CYP2U1: variants seen among roughly 807,000 people sequenced by gnomAD.
CYP2U1 encodes cytochrome P450 2U1.
In CYP2U1, 28 loss-of-function variants were observed where a neutral mutation model predicts 42.8. That is an observed-to-expected ratio of 0.65 (90% CI 0.48 to 0.90). The LOEUF (loss-of-function observed/expected upper bound fraction) is 0.90, where lower values mean the gene tolerates loss of function less well. Ranked by LOEUF, CYP2U1 falls within the 40% of genes least tolerant of loss-of-function variation. The pLI, the probability that CYP2U1 is intolerant of heterozygous loss-of-function variation, is 0.00. For missense variants in CYP2U1, 642 were observed against 693.8 expected, an observed-to-expected ratio of 0.93 and a Z score of 0.84; for synonymous variants, 296 against 278.9, an observed-to-expected ratio of 1.06 and a Z score of -0.61.
In CYP2U1 at chr4:107,932,039, C is replaced by T. The variant is rs368014569; in HGVS notation, c.396C>T (p.Asp132=). The stretch of plus-strand genomic sequence containing the variant: ...ACTACCTGGTGGTGGTCCTCAGCGA[C>T]TTCCACAGCGTGCGCGAGGCGCTGG... ...IGHYLVVVLS[D]FHSVREALVQ... The change falls in exon 1 of 5, where the codon GAC becomes GAT. Residue 132 remains aspartate, a synonymous_variant. Transcript: ENST00000332884. 395 of 1,574,170 alleles carry T rather than the reference C, an allele frequency of 2.5e-4. No individual in the cohort carries two copies. Among genetic ancestry groups the T allele is most frequent in the Admixed American group, 4.1e-4 (22 of 54,264 alleles).
rs768390894 is a variant in CYP2U1, at chr4:107,932,090, C to T, written c.447C>T (p.Asp149=). 8 of 1,597,894 alleles carry T rather than the reference C, an allele frequency of 5.0e-6. No homozygotes were observed. The highest frequency in any genetic ancestry group is 6.8e-6 in the Non-Finnish European group (8 of 1,173,296). The change falls in exon 1 of 5, where the codon GAC becomes GAT. Residue 149 remains aspartate, a synonymous_variant. Coordinates refer to ENST00000332884, the MANE Select transcript of CYP2U1 (RefSeq NM_183075.3). ...TGCAGCAGGCCGAGGTCTTCAGCGA[C>T]CGCCCGCGGGTGCCGCTCATCTCCA... ...ALVQQAEVFS[D]RPRVPLISIV... is the part of the protein sequence containing the mutation.
At chr4:107,934,428 T>C (rs1733175552) in intron 1 of CYP2U1, among the ~76,000 whole-genome samples, 1 of 152,158 alleles carries the variant, frequency 6.6e-6, no homozygotes, top group Non-Finnish European at 1.5e-5. Flanking sequence ...GCTACCATCA[T>C]TTATTTATTT....
chr4:107,950,105 G>T, intron 4 of CYP2U1, 140 bp from the exon 5 acceptor site: 1 of 745,010 alleles, frequency 1.3e-6, no homozygotes. Flanking sequence ...GAGGCTATGT[G>T]GTATATATGG....
intron 3 of CYP2U1, among the ~76,000 whole-genome samples, 173 bp from the exon 4 acceptor site, chr4:107,949,177 G>T (rs1733820146): frequency 6.6e-6 from 1 of 152,146 alleles, no homozygotes; most frequent in South Asian, 2.1e-4. Context: ...GGTGCGGGGA[G>T]AGGGATGCCA....
intron 1 of CYP2U1, chr4:107,935,657 A>C (rs1157948687): frequency 6.6e-6 from 1 of 152,218 alleles, no homozygotes; most frequent in Non-Finnish European, 1.5e-5. Flanking sequence ...TGATCATCAA[A>C]GGATGAAGGA....
chr4:107,950,254 T>G lies in CYP2U1; in HGVS notation c.1466T>G (p.Val489Gly). The part of the protein sequence containing the change: ...TFIPFGIGKR[V>G]CMGEQLAKME... ...CTGATCTCATTTTTAGGGAAGCGGGTGTGTATGGGAGAACAACTGGCAAAG... is the reference window on the plus strand; with the variant it reads ...CTGATCTCATTTTTAGGGAAGCGGGGGTGTATGGGAGAACAACTGGCAAAG... The change falls in exon 5 of 5, where the codon GTG becomes GGG. Residue 489 changes from valine (V) to glycine (G), a missense_variant. Coordinates refer to ENST00000332884, the MANE Select transcript of CYP2U1 (RefSeq NM_183075.3). 3 of 1,604,238 alleles carry G rather than the reference T, an allele frequency of 1.9e-6. No homozygotes were observed. Among genetic ancestry groups the G allele is most frequent in the Non-Finnish European group, 2.6e-6 (3 of 1,175,924 alleles).
At chr4:107,936,161 C>T (rs1240747345) in intron 1 of CYP2U1, 1 of 152,164 alleles carries the variant, frequency 6.6e-6, no homozygotes, top group Non-Finnish European at 1.5e-5. Context: ...CTGTGTCCAT[C>T]ATTCTGATTG....
At chr4:107,935,679 G>A (rs1215262506) in intron 1 of CYP2U1, 1 of 152,190 alleles carries the variant, frequency 6.6e-6, no homozygotes, top group African/African-American at 2.4e-5. Context: ...CAGATGAGGT[G>A]TGAGTGGACT....
In CYP2U1 at chr4:107,945,461, G is replaced by A; in HGVS notation, c.982G>A (p.Glu328Lys). 2 of 1,614,080 alleles carry A rather than the reference G, an allele frequency of 1.2e-6. No homozygotes were observed. Among genetic ancestry groups the A allele is most frequent in the South Asian group, 2.2e-5 (2 of 91,074 alleles). Residue 328 changes from glutamate to lysine, a missense_variant, in exon 2 of 5, where the codon GAG (glutamate) becomes AAG (lysine). By Grantham distance (56) the Glu-to-Lys change is moderately conservative (BLOSUM62 1). Coordinates refer to ENST00000332884, the MANE Select transcript of CYP2U1 (RefSeq NM_183075.3). ...CATGTACCTTCTCCACATGGAAGAG[G>A]AGAGGAAAAATAATAGTAACAGCAG... is the stretch of plus-strand genomic sequence containing the variant. Reference protein sequence around the residue: ...IDMYLLHMEEERKNNSNSSFD... With the variant: ...IDMYLLHMEEKRKNNSNSSFD...
Position 107,931,865 on chromosome 4 carries a change from C to T in CYP2U1, c.222C>T (p.His74=). 6.5e-7 allele frequency: 1 copy of T among 1,546,890 alleles called. No homozygotes were observed. The highest frequency in any genetic ancestry group is 8.7e-7 in the Non-Finnish European group (1 of 1,144,922). Residue 74 remains histidine, a synonymous_variant, in exon 1 of 5, where the codon CAC becomes CAT. Coordinates refer to ENST00000332884, the MANE Select transcript of CYP2U1 (RefSeq NM_183075.3). The part of the protein sequence containing the change: ...TPWPLVGNFG[H]VLLPPFLRRR... Reference sequence around the variant, plus strand: ...GGCCTCTGGTGGGCAACTTCGGTCACGTGCTGCTGCCTCCCTTCCTCCGGC... The same window carrying T: ...GGCCTCTGGTGGGCAACTTCGGTCATGTGCTGCTGCCTCCCTTCCTCCGGC...
rs550282926 is a variant in CYP2U1 at position 107,952,810 on chromosome 4, T to C, written c.*2387T>C. 4 of 152,244 alleles carry C rather than the reference T, an allele frequency of 2.6e-5. No homozygotes were observed. Among genetic ancestry groups the C allele is most frequent in the Non-Finnish European group, 5.9e-5 (4 of 68,038 alleles). 9.4% of individuals were successfully genotyped at this position (152,244 alleles called of 1,614,324 possible). A position where few individuals can be genotyped will look rare whatever the true frequency, so the allele number is the denominator to read the frequency against. On this transcript the variant is annotated 3_prime_UTR_variant, in exon 5 of 5. Coordinates refer to ENST00000332884, the MANE Select transcript of CYP2U1 (RefSeq NM_183075.3). Reference sequence around the variant, plus strand: ...AGGAAGAAGAAAAATTTTAAAATGATTGATTTTTGACTCTACATTCTTTAT... The same window carrying C: ...AGGAAGAAGAAAAATTTTAAAATGACTGATTTTTGACTCTACATTCTTTAT...
At chr4:107,932,342 T>G (rs750591608) in intron 1 of CYP2U1, among the ~76,000 whole-genome samples, 1 of 152,166 alleles carries the variant, frequency 6.6e-6, no homozygotes, top group Non-Finnish European at 1.5e-5. Flanking sequence ...ACGCGTGACT[T>G]GCTCATACTC....
At position 107,945,601 on chromosome 4, in the gene CYP2U1, A is replaced by T. The variant is rs1452292041; in HGVS notation, c.1122A>T (p.Val374=). 3.8e-6 allele frequency: 6 copies of T among 1,565,122 alleles called. No homozygotes were observed. Among genetic ancestry groups the T allele is most frequent in the Admixed American group, 3.8e-5 (2 of 52,390 alleles). Reference sequence around the variant, plus strand: ...TGTATATGTCGCTGAACCCCGATGTACAAGGTAATTAATAGGTGTTTCCTT... The same window carrying T: ...TGTATATGTCGCTGAACCCCGATGTTCAAGGTAATTAATAGGTGTTTCCTT... The part of the protein sequence containing the change: ...CLLYMSLNPD[V]QEKVHEEIER... The change falls in exon 2 of 5, where the codon GTA becomes GTT. Residue 374 remains valine, a synonymous_variant. Coordinates refer to ENST00000332884, the MANE Select transcript of CYP2U1 (RefSeq NM_183075.3).
At chr4:107,939,915 C>G (rs1352670958) in intron 1 of CYP2U1, among the ~76,000 whole-genome samples, 1 of 152,032 alleles carries the variant, frequency 6.6e-6, no homozygotes, top group Non-Finnish European at 1.5e-5. Context: ...TCTTGAAGTG[C>G]TTCAACTGGG....
intron 1 of CYP2U1, among the ~76,000 whole-genome samples, chr4:107,936,785 C>T (rs1361348764): frequency 4.6e-5 from 7 of 152,172 alleles, no homozygotes; most frequent in Non-Finnish European, 1.0e-4. Context: ...ATAAATAACA[C>T]ATAGCTTTAT....
chr4:107,946,807 T>C (rs981057246), intron 2 of CYP2U1, among the ~76,000 whole-genome samples: 2 of 152,090 alleles, frequency 1.3e-5, no homozygotes, highest in African/African-American at 4.8e-5. Flanking sequence ...GCCAAGTTCC[T>C]TACCACTGTG....
chr4:107,935,368 TC>T (rs1405652311), intron 1 of CYP2U1, among the ~76,000 whole-genome samples: 7 of 152,174 alleles, frequency 4.6e-5, no homozygotes, highest in Non-Finnish European at 1.0e-4. Flanking sequence ...AAGTATTTAT[TC>T]CCCCAAGAGA....
rs920309099 is a variant in CYP2U1, at chr4:107,931,991, C to T, written c.348C>T (p.Ser116=). 2 of 1,554,230 alleles carry T rather than the reference C, an allele frequency of 1.3e-6. No individual in the cohort carries two copies. Among genetic ancestry groups the T allele is most frequent in the African/African-American group, 1.4e-5 (1 of 73,304 alleles). ...CTCACCTAGCCCGCGTGTACGGCAG[C>T]ATCTTCAGCTTCTTTATCGGCCACT... ...LLAHLARVYG[S]IFSFFIGHYL... The change falls in exon 1 of 5, where the codon AGC becomes AGT. Residue 116 remains serine, a synonymous_variant. Transcript: ENST00000332884.
At position 107,945,209 on chromosome 4, in the gene CYP2U1, A is replaced by G. The variant is rs1487242665; in HGVS notation, c.730A>G (p.Thr244Ala). 5 of 1,614,096 alleles carry G rather than the reference A, an allele frequency of 3.1e-6. No homozygotes were observed. Among genetic ancestry groups the G allele is most frequent in the Non-Finnish European group, 4.2e-6 (5 of 1,180,022 alleles). The change falls in exon 2 of 5, where the codon ACT becomes GCT. Residue 244 changes from threonine to alanine, a missense_variant. Coordinates refer to ENST00000332884, the MANE Select transcript of CYP2U1 (RefSeq NM_183075.3). The stretch of plus-strand genomic sequence containing the variant: ...GTGCTTTGGCCAGCGCTTTGATTAC[A>G]CTAATAGTGAGTTCAAGAAAATGCT... ...SLCFGQRFDY[T>A]NSEFKKMLGF... is the part of the protein sequence containing the mutation.
Sources: allele counts gnomAD v4.1 joint callset (sites outside exome capture counted in the v4.1 genomes callset), GRCh38; gene constraint gnomAD v4.1.1; transcripts MANE v1.5; gene names NCBI Gene and HGNC (gene_info 2026-07-23, HGNC 2026-07-21).